The following FARS2 variants were observed in gnomAD, a reference collection of about 807,000 sequenced individuals.
FARS2 encodes phenylalanyl-tRNA synthetase 2, mitochondrial.
Under a neutral mutation model 46.4 loss-of-function variants are expected in FARS2, and 40 were observed. That is an observed-to-expected ratio of 0.86 (90% confidence interval 0.67 to 1.12). The LOEUF is 1.12. Among genes scored for constraint, FARS2 ranks in the 50% most tolerant of loss-of-function variants. FARS2 has a pLI of 0.00. For missense variants in FARS2, 513 were observed against 567.9 expected, an observed-to-expected ratio of 0.90 and a Z score of 0.98; for synonymous variants, 234 against 214.9, an observed-to-expected ratio of 1.09 and a Z score of -0.78.
chr6:5,460,670 C>T (rs1765192276), intron 4 of FARS2, among the ~76,000 whole-genome samples: 1 of 152,150 alleles, frequency 6.6e-6, no homozygotes, highest in Non-Finnish European at 1.5e-5. Context: ...CAGCTACTGC[C>T]TCTTGATACC....
At chr6:5,526,595 GTTTCTTT>G (rs1345628639) in intron 4 of FARS2, among the ~76,000 whole-genome samples, 12 of 152,010 alleles carry the variant, frequency 7.9e-5, no homozygotes, top group Admixed American at 1.3e-4. Context: ...ATTATGCCTG[GTTTCTTT>G]TTTCTTTTTT....
At chr6:5,679,292 A>G (rs1019385674) in intron 6 of FARS2, among the ~76,000 whole-genome samples, 5 of 152,188 alleles carry the variant, frequency 3.3e-5, no homozygotes, top group African/African-American at 9.7e-5. Context: ...TTGGTCCTCA[A>G]AATGAGTGAT....
At chr6:5,456,816 C>G (rs1482521138) in intron 4 of FARS2, 1 of 151,544 alleles carries the variant, frequency 6.6e-6, no homozygotes, top group Non-Finnish European at 1.5e-5. Flanking sequence ...CTTACCTTGG[C>G]TGGTGAAAAT....
At chr6:5,289,623 C>T (rs769610372) in intron 1 of FARS2, among the ~76,000 whole-genome samples, 29 of 152,060 alleles carry the variant, frequency 1.9e-4, no homozygotes, top group Non-Finnish European at 3.4e-4. Context: ...CAAATGAAGA[C>T]TTGGCCTGTG....
chr6:5,326,757 C>T (rs1770420448), intron 1 of FARS2, among the ~76,000 whole-genome samples: 1 of 152,196 alleles, frequency 6.6e-6, no homozygotes, highest in African/African-American at 2.4e-5. Flanking sequence ...GTGCCAGTGT[C>T]ATCAGATGGT....
chr6:5,510,056 C>T (rs1768341713), intron 4 of FARS2, among the ~76,000 whole-genome samples: 1 of 152,120 alleles, frequency 6.6e-6, no homozygotes, highest in Non-Finnish European at 1.5e-5. Flanking sequence ...GGATAGATGG[C>T]AAGAAGGCAG....
chr6:5,647,582 A>T (rs1410426245), intron 6 of FARS2, among the ~76,000 whole-genome samples: 1 of 152,262 alleles, frequency 6.6e-6, no homozygotes, highest in Non-Finnish European at 1.5e-5. Context: ...AATGGAAGAT[A>T]GATGACTTAT....
At position 5,764,683 on chromosome 6, in the gene FARS2, G is replaced by A. The variant is rs1762659554; in HGVS notation, c.1218-6608G>A. Among the ~76,000 whole-genome samples the A allele has an allele frequency of 6.6e-6, 1 of 152,212 alleles. No individual in the cohort carries two copies. The highest frequency in any genetic ancestry group is 2.4e-5 in the African/African-American group (1 of 41,440). ...TGAGCGCACCATCCAAGAACATGAAGTCGCTGCTCTGTCACAGATGGAGAA... is the reference window on the plus strand; with the variant it reads ...TGAGCGCACCATCCAAGAACATGAAATCGCTGCTCTGTCACAGATGGAGAA... On this transcript the variant is annotated intron_variant, in intron 6 of 6. Coordinates refer to ENST00000274680, the MANE Select transcript of FARS2 (RefSeq NM_006567.5). The surrounding 1 kb of genome is among the most constrained non-coding windows in gnomAD (Gnocchi z 4.1).
chr6:5,255,889 C>T, the FARS2 span, among the ~76,000 whole-genome samples: 1 of 152,154 alleles, frequency 6.6e-6, no homozygotes, highest in African/African-American at 2.4e-5. Flanking sequence ...AACTACTAAC[C>T]TAAATAGTAT....
chr6:5,546,190 A>G (rs575909897), intron 5 of FARS2, among the ~76,000 whole-genome samples: 6 of 152,248 alleles, frequency 3.9e-5, no homozygotes, highest in Non-Finnish European at 4.4e-5. Flanking sequence ...AAACCTTCAG[A>G]AATTTTATGC....
intron 6 of FARS2, among the ~76,000 whole-genome samples, chr6:5,755,725 A>C (rs1208833413): frequency 3.3e-5 from 5 of 152,148 alleles, no homozygotes; most frequent in Non-Finnish European, 7.4e-5. Flanking sequence ...GGTTATGTTC[A>C]TTGGAGCATA....
At chr6:5,509,124 G>A (rs182194561) in intron 4 of FARS2, among the ~76,000 whole-genome samples, 1 of 152,310 alleles carries the variant, frequency 6.6e-6, no homozygotes, top group Non-Finnish European at 1.5e-5. Context: ...TAGAAGGGAT[G>A]AAAAAACATT....
At chr6:5,470,057 T>G (rs999059641) in intron 4 of FARS2, among the ~76,000 whole-genome samples, 3 of 152,202 alleles carry the variant, frequency 2.0e-5, no homozygotes, top group Admixed American at 6.5e-5. Flanking sequence ...CAATGAGTAG[T>G]AGACTTCATT....
intron 1 of FARS2, among the ~76,000 whole-genome samples, chr6:5,300,762 C>T (rs1262791812): frequency 6.6e-6 from 1 of 152,064 alleles, no homozygotes; most frequent in Non-Finnish European, 1.5e-5. Context: ...CCTTCATCTC[C>T]CAGGCTCAAG....
At chr6:5,503,383 CACACACACACACACACACACACAGAG>C (rs1312887431) in intron 4 of FARS2, among the ~76,000 whole-genome samples, 1 of 61,500 alleles carries the variant, frequency 1.6e-5, no homozygotes, top group African/African-American at 9.7e-5. Context: ...AACACACACA[CACACACACACACACACACACACAGAG>C]AGAGAGAGAG....
chr6:5,423,683 G>C (rs925262655), intron 3 of FARS2, among the ~76,000 whole-genome samples: 3 of 152,146 alleles, frequency 2.0e-5, no homozygotes, highest in Non-Finnish European at 4.4e-5. Flanking sequence ...CTCTGTGAGA[G>C]GGAAGAGGTG....
intron 6 of FARS2, among the ~76,000 whole-genome samples, chr6:5,742,782 A>C (rs1448163931): frequency 6.6e-6 from 1 of 152,114 alleles, no homozygotes. Context: ...TAAACTTTCT[A>C]TCCCATAAGA....
intron 6 of FARS2, among the ~76,000 whole-genome samples, chr6:5,734,842 C>T (rs1229000962): frequency 6.6e-6 from 1 of 152,172 alleles, no homozygotes; most frequent in African/African-American, 2.4e-5. Context: ...TACATGCATA[C>T]ATACAATCTG....
At chr6:5,490,137 G>T (rs1462505085) in intron 4 of FARS2, among the ~76,000 whole-genome samples, 1 of 152,054 alleles carries the variant, frequency 6.6e-6, no homozygotes, top group Non-Finnish European at 1.5e-5. Flanking sequence ...TCATATATAT[G>T]GACTTGGATA....
Sources: gnomAD v4.1 joint callset for allele counts (sites outside exome capture counted in the v4.1 genomes callset) on GRCh38, gnomAD v4.1.1 for gene constraint, Gnocchi (gnomAD v3.1) non-coding constraint, MANE v1.5 for transcripts, NCBI Gene and HGNC (gene_info 2026-07-23, HGNC 2026-07-21) for gene names.